The following WDR7 variants were observed in gnomAD, a reference collection of about 807,000 sequenced individuals.
WDR7 encodes the protein WD repeat domain 7, also known as WD repeat-containing protein 7.
A neutral mutation model predicts 169.4 loss-of-function variants in WDR7; 46 were observed. The ratio of observed to expected loss-of-function variants is 0.27; its 90% CI spans 0.21 to 0.35. The LOEUF is 0.35. Among genes scored for constraint, WDR7 ranks in the 10% least tolerant of loss-of-function variants. The pLI is 1.00. For synonymous variants in WDR7, 612 were observed against 666.8 expected, an observed-to-expected ratio of 0.92 and a Z score of 1.27; for missense variants, 1,534 against 1,859.3, an observed-to-expected ratio of 0.83 and a Z score of 3.22.
At chr18:56,789,537 T>A (rs750170205) in intron 19 of WDR7, among the ~76,000 whole-genome samples, 1 of 152,230 alleles carries the variant, frequency 6.6e-6, no homozygotes, top group Non-Finnish European at 1.5e-5. Context: ...GAGTGAAGCA[T>A]GTGGAAATTC....
intron 20 of WDR7, among the ~76,000 whole-genome samples, chr18:56,851,853 T>A (rs1157158298): frequency 6.6e-6 from 1 of 152,260 alleles, no homozygotes; most frequent in Non-Finnish European, 1.5e-5. Context: ...TGCTCATTGT[T>A]AGCACATATA....
chr18:56,676,390 G>C (rs1342006451), intron 2 of WDR7, among the ~76,000 whole-genome samples: 1 of 152,080 alleles, frequency 6.6e-6, no homozygotes, highest in Non-Finnish European at 1.5e-5. Flanking sequence ...ATAAGTCCTC[G>C]TTATTATTGG....
At chr18:56,729,759 A>T (rs1330009301) in intron 13 of WDR7, among the ~76,000 whole-genome samples, 1 of 152,182 alleles carries the variant, frequency 6.6e-6, no homozygotes. Flanking sequence ...TAGAATAGGA[A>T]TTCCTGTGTT....
chr18:56,908,569 C>T (rs2046511143), intron 21 of WDR7, among the ~76,000 whole-genome samples: 1 of 152,142 alleles, frequency 6.6e-6, no homozygotes, highest in African/African-American at 2.4e-5. Flanking sequence ...AATGGTCAGA[C>T]AGAGGCTGTC....
chr18:56,756,696 A>T lies in WDR7; in HGVS notation c.2103A>T (p.Gln701His). The change falls in exon 15 of 28, where the codon CAA (glutamine) becomes CAT (histidine). Residue 701 changes from glutamine to histidine, a missense_variant. By Grantham distance (24) the Gln-to-His change is conservative. Transcript: ENST00000254442. ...LFFDVEALII[Q>H]LLTEEASRPN... The stretch of plus-strand genomic sequence containing the variant: ...TTGATGTGGAAGCGTTGATTATTCA[A>T]CTCCTGACTGAAGAAGCCTCTAGGC... The T allele has an allele frequency of 6.2e-7, 1 of 1,614,040 alleles. No individual in the cohort carries two copies. Among genetic ancestry groups the T allele is most frequent in the Non-Finnish European group, 8.5e-7 (1 of 1,179,998 alleles).
chr18:56,697,598 T>C (rs1012233736), intron 12 of WDR7, among the ~76,000 whole-genome samples: 3 of 152,164 alleles, frequency 2.0e-5, no homozygotes, highest in African/African-American at 7.2e-5. Context: ...TTTGGTGAAA[T>C]AGATATTATT....
chr18:56,848,718 G>T (rs1327220577), intron 20 of WDR7, among the ~76,000 whole-genome samples: 2 of 151,966 alleles, frequency 1.3e-5, no homozygotes, highest in African/African-American at 4.8e-5. Flanking sequence ...TGTTTAAAGA[G>T]CCTGGCACCT....
At chr18:56,714,279 A>G (rs1341491779) in intron 12 of WDR7, among the ~76,000 whole-genome samples, 1 of 152,084 alleles carries the variant, frequency 6.6e-6, no homozygotes, top group African/African-American at 2.4e-5. Flanking sequence ...AAGTACCTCT[A>G]ATAACTATGC....
chr18:56,858,175 C>T (rs2045751359), intron 20 of WDR7, among the ~76,000 whole-genome samples: 1 of 152,126 alleles, frequency 6.6e-6, no homozygotes, highest in Non-Finnish European at 1.5e-5. Context: ...TTTATTAGCA[C>T]CATTTGTACA....
At chr18:56,879,394 G>C (rs1252951714) in intron 20 of WDR7, among the ~76,000 whole-genome samples, 1 of 152,130 alleles carries the variant, frequency 6.6e-6, no homozygotes, top group Non-Finnish European at 1.5e-5. Context: ...ATCTTTTCAT[G>C]TGCGTGTTGA....
intron 1 of WDR7, among the ~76,000 whole-genome samples, chr18:56,666,431 A>G (rs1441079874): frequency 1.3e-5 from 2 of 151,040 alleles, no homozygotes; most frequent in South Asian, 2.1e-4. Flanking sequence ...CAAACTCCCA[A>G]CCTCAGGTGA....
At chr18:56,900,082 G>GTGTATATATATATATATATATA (rs1409730889) in intron 21 of WDR7, among the ~76,000 whole-genome samples, 1 of 32,052 alleles carries the variant, frequency 3.1e-5, no homozygotes, top group Admixed American at 3.7e-4. Flanking sequence ...GTGTGTGTGT[G>GTGTATATATATATATATATATA]TATATATATA....
At chr18:56,678,516 A>C (rs1438822514) in intron 2 of WDR7, among the ~76,000 whole-genome samples, 2 of 147,822 alleles carry the variant, frequency 1.4e-5, no homozygotes, top group Non-Finnish European at 3.0e-5. Flanking sequence ...TTTTTTTTTG[A>C]GACGGAGTCT....
chr18:56,825,341 T>G (rs929026743), intron 20 of WDR7, among the ~76,000 whole-genome samples: 1 of 152,236 alleles, frequency 6.6e-6, no homozygotes, highest in African/African-American at 2.4e-5. Context: ...CAAACTTATG[T>G]AAAAGAACAC....
At chr18:56,817,439 G>A (rs181146254) in intron 20 of WDR7, among the ~76,000 whole-genome samples, 1 of 152,028 alleles carries the variant, frequency 6.6e-6, no homozygotes, top group East Asian at 1.9e-4. Context: ...ACTGTTACAT[G>A]GGAAGAAGAA....
At chr18:56,705,476 A>T (rs577067678) in intron 12 of WDR7, among the ~76,000 whole-genome samples, 1 of 152,142 alleles carries the variant, frequency 6.6e-6, no homozygotes, top group Non-Finnish European at 1.5e-5. Flanking sequence ...GTCAATATAT[A>T]TGATATTTGA....
At chr18:56,940,554 G>A (rs2047020329) in intron 25 of WDR7, among the ~76,000 whole-genome samples, 1 of 152,292 alleles carries the variant, frequency 6.6e-6, no homozygotes, top group Admixed American at 6.5e-5. Flanking sequence ...TATGCCGTGT[G>A]TTTGGTTTAT....
At chr18:56,692,991 G>A (rs2025610561) in intron 9 of WDR7, among the ~76,000 whole-genome samples, 1 of 152,136 alleles carries the variant, frequency 6.6e-6, no homozygotes, top group Admixed American at 6.5e-5. Context: ...CTTTGAGCTG[G>A]GAGGTGGAGG....
At chr18:56,777,122 A>G (rs113390230) in intron 17 of WDR7, among the ~76,000 whole-genome samples, 1 of 152,210 alleles carries the variant, frequency 6.6e-6, no homozygotes, top group African/African-American at 2.4e-5. Flanking sequence ...AGAGATGCCA[A>G]TCTTTGATGT....
Sources: gnomAD v4.1 joint callset for allele counts (sites outside exome capture counted in the v4.1 genomes callset) on GRCh38, gnomAD v4.1.1 for gene constraint, MANE v1.5 for transcripts, NCBI Gene and HGNC (gene_info 2026-07-23, HGNC 2026-07-21) for gene names.